SLC25A26: variants seen among roughly 807,000 people sequenced by gnomAD.
The protein encoded by SLC25A26 is mitochondrial S-adenosylmethionine carrier protein.
In SLC25A26, 36 loss-of-function variants were observed where a neutral mutation model predicts 37.8. That is an observed-to-expected ratio of 0.95 (90% CI 0.73 to 1.26). The LOEUF is 1.26. Ranked by LOEUF, SLC25A26 falls within the 50% of genes most tolerant of loss-of-function variation. The pLI is 0.00. For synonymous variants in SLC25A26, 129 were observed against 122.5 expected (o/e 1.05, Z -0.35); for missense variants, 390 against 331.1 (o/e 1.18, Z -1.38).
chr3:66,330,683 C>T (rs1490761397), intron 5 of SLC25A26, among the ~76,000 whole-genome samples: 1 of 151,322 alleles, frequency 6.6e-6, no homozygotes, highest in African/African-American at 2.4e-5. Context: ...TCAGAATACA[C>T]GAAGTTTGTA....
chr3:66,175,655 G>C (rs888908213), intron 1 of SLC25A26, among the ~76,000 whole-genome samples: 4 of 152,224 alleles, frequency 2.6e-5, no homozygotes, highest in African/African-American at 9.6e-5. Flanking sequence ...AGGCTGGCAG[G>C]CTTGAGACCT....
chr3:66,287,318 A>C (rs1027165840), intron 5 of SLC25A26, among the ~76,000 whole-genome samples: 2 of 151,912 alleles, frequency 1.3e-5, no homozygotes, highest in Non-Finnish European at 2.9e-5. Flanking sequence ...AAAAAATCTC[A>C]AACTGTTTTC....
intron 5 of SLC25A26, among the ~76,000 whole-genome samples, chr3:66,278,424 C>T (rs1397065177): frequency 1.3e-5 from 2 of 152,136 alleles, no homozygotes; most frequent in African/African-American, 4.8e-5. Flanking sequence ...GTTCCACTCT[C>T]TAGAGGTAGC....
chr3:66,281,133 A>G (rs926516557), intron 5 of SLC25A26, among the ~76,000 whole-genome samples: 71 of 152,136 alleles, frequency 4.7e-4, no homozygotes, highest in African/African-American at 1.7e-3. Context: ...CGGTCCCATA[A>G]TCTGGATTAT....
chr3:66,362,834 G>T, intron 6 of SLC25A26, 26 bp from the exon 7 acceptor site: 1 of 1,518,226 alleles, frequency 6.6e-7, no homozygotes, highest in Non-Finnish European at 8.9e-7. Flanking sequence ...TTAATAACTT[G>T]TATTTTTCTT....
intron 5 of SLC25A26, among the ~76,000 whole-genome samples, chr3:66,297,037 G>A (rs1002069394): frequency 2.0e-5 from 3 of 152,138 alleles, no homozygotes; most frequent in African/African-American, 7.2e-5. Flanking sequence ...AGAATGTTTG[G>A]CATTGAGCGA....
intron 9 of SLC25A26, among the ~76,000 whole-genome samples, chr3:66,377,049 G>A (rs958479389): frequency 3.3e-5 from 5 of 152,120 alleles, no homozygotes; most frequent in African/African-American, 9.7e-5. Context: ...TATCTGAGTA[G>A]GTATGGGGAG....
intron 5 of SLC25A26, among the ~76,000 whole-genome samples, chr3:66,266,576 CTTTTTTTTTTTTTT>C (rs1004250488): frequency 9.0e-6 from 1 of 111,564 alleles, no homozygotes; most frequent in Non-Finnish European, 1.8e-5. Context: ...TGTTGTCACA[CTTTTTTTTTTTTTT>C]TTTTTTTACT....
intron 6 of SLC25A26, among the ~76,000 whole-genome samples, chr3:66,356,306 A>T (rs553825207): frequency 6.6e-6 from 1 of 152,132 alleles, no homozygotes; most frequent in South Asian, 2.1e-4. Flanking sequence ...GCTAATAGCT[A>T]TTATCTTGGG....
At position 66,377,895 on chromosome 3, in the gene SLC25A26, GC is replaced by G; in HGVS notation, c.*92del. ...CGCTGAGCAGCTGTCTGAACTATAG[GC>G]CCCAGTGCTGAAGACCAGTTGTGCT... On this transcript the variant is annotated 3_prime_UTR_variant, in exon 10 of 10. Transcript: ENST00000354883. 1.0e-6 allele frequency: 1 copy of G among 1,001,332 alleles called. No homozygotes were observed. The highest frequency in any genetic ancestry group is 1.6e-6 in the Non-Finnish European group (1 of 641,520). 62.0% of individuals were successfully genotyped at this position (1,001,332 alleles called of 1,614,324 possible). A position where few individuals can be genotyped will look rare whatever the true frequency, so the allele number is the denominator to read the frequency against.
chr3:66,237,726 G>A (rs1169063339), intron 2 of SLC25A26, among the ~76,000 whole-genome samples: 1 of 152,186 alleles, frequency 6.6e-6, no homozygotes, highest in African/African-American at 2.4e-5. Flanking sequence ...GATGCCTCTA[G>A]TGGCATTTGA....
At position 66,291,173 on chromosome 3, in the gene SLC25A26, C is replaced by G. The variant is rs181248289; in HGVS notation, c.453+27794C>G. ...TTCAGTGGTGATATCCCCTTTATCA[C>G]TTTTTATTGTGTCTGTTTGATTCTT... On this transcript the variant is annotated intron_variant, in intron 5 of 9. Transcript: ENST00000354883. 4.6e-5 allele frequency among the ~76,000 whole-genome samples: 7 copies of G among 152,074 alleles called. No homozygotes were observed. In the East Asian group the frequency reaches 1.4e-3, roughly 29 times the overall value.
intron 1 of SLC25A26, among the ~76,000 whole-genome samples, chr3:66,176,096 G>A (rs138231343): frequency 4.4e-4 from 67 of 152,206 alleles, no homozygotes; most frequent in African/African-American, 1.6e-3. Context: ...TGGAAAAATG[G>A]AATCTTTGAA....
At chr3:66,331,916 T>C (rs538388796) in intron 5 of SLC25A26, among the ~76,000 whole-genome samples, 1 of 151,854 alleles carries the variant, frequency 6.6e-6, no homozygotes, top group Non-Finnish European at 1.5e-5. Flanking sequence ...AGCCAAAAAG[T>C]TTTTTGTTTT....
intron 1 of SLC25A26, among the ~76,000 whole-genome samples, chr3:66,166,828 C>T (rs1341973952): frequency 6.6e-6 from 1 of 152,148 alleles, no homozygotes; most frequent in Non-Finnish European, 1.5e-5. Context: ...GGCTCTATCT[C>T]CACCCAAAAC....
chr3:66,361,834 G>A (rs528873623), intron 6 of SLC25A26, among the ~76,000 whole-genome samples: 21 of 152,220 alleles, frequency 1.4e-4, no homozygotes, highest in African/African-American at 5.1e-4. Flanking sequence ...GGGCGTGTTG[G>A]CAGGCGCCTG....
At chr3:66,291,671 A>G (rs909267301) in intron 5 of SLC25A26, among the ~76,000 whole-genome samples, 7 of 150,126 alleles carry the variant, frequency 4.7e-5, no homozygotes, top group Admixed American at 3.3e-4. Context: ...CTGAGAGACT[A>G]TGATGATTTC....
chr3:66,328,948 A>G (rs968238934), intron 5 of SLC25A26, among the ~76,000 whole-genome samples: 2 of 152,166 alleles, frequency 1.3e-5, no homozygotes, highest in Admixed American at 1.3e-4. Context: ...TTAAAAATCC[A>G]AAATATGTGC....
At chr3:66,209,675 TTATAGGTATA>T (rs1484070115) in intron 1 of SLC25A26, among the ~76,000 whole-genome samples, 8 of 139,176 alleles carry the variant, frequency 5.7e-5, no homozygotes, top group Non-Finnish European at 1.2e-4. Context: ...TATATATATT[TTATAGGTATA>T]TATAGGTATA....
Sources: allele counts gnomAD v4.1 joint callset (sites outside exome capture counted in the v4.1 genomes callset), GRCh38; gene constraint gnomAD v4.1.1; transcripts MANE v1.5; gene names NCBI Gene and HGNC (gene_info 2026-07-23, HGNC 2026-07-21).